LINGO2: variants seen among roughly 807,000 people sequenced by gnomAD.
The protein encoded by LINGO2 is leucine-rich repeat and immunoglobulin-like domain-containing nogo receptor-interacting protein 2.
A neutral mutation model predicts 30.6 loss-of-function variants in LINGO2; 14 were observed. That is an observed-to-expected ratio of 0.46 (90% CI 0.30 to 0.72). The LOEUF is 0.72. LINGO2 is among the 30% of genes least tolerant of loss of function. The pLI is 0.07. For synonymous variants in LINGO2, 317 were observed against 288.5 expected (o/e 1.10, Z -1.00); for missense variants, 729 against 751.7 (o/e 0.97, Z 0.35).
At chr9:28,771,574 C>T in the LINGO2 span, among the ~76,000 whole-genome samples, 1 of 147,494 alleles carries the variant, frequency 6.8e-6, no homozygotes, top group Admixed American at 6.8e-5. Flanking sequence ...AGTCAGAGTC[C>T]CAGTAAAACC....
At chr9:27,949,476 G>A (rs768911785) in exon 6 of LINGO2, 30 of 1,614,016 alleles carry the variant, frequency 1.9e-5, no homozygotes, top group Non-Finnish European at 1.4e-5. Flanking sequence ...AGAAAGGGCA[G>A]TGCTATGGAA....
At chr9:28,735,771 TA>T in the LINGO2 span, among the ~76,000 whole-genome samples, 7,807 of 147,570 alleles carry the variant, frequency 0.053, 395 homozygotes, top group Admixed American at 0.18. Flanking sequence ...TCTCATTACT[TA>T]AAAAAAAAAA....
intron 5 of LINGO2, among the ~76,000 whole-genome samples, chr9:27,957,539 A>G (rs953722692): frequency 2.6e-5 from 4 of 152,056 alleles, no homozygotes; most frequent in Non-Finnish European, 4.4e-5. Flanking sequence ...TGATCTGCCC[A>G]CCTTGGCCTC....
chr9:28,670,634 C>T (rs776196267), upstream of LINGO2, among the ~76,000 whole-genome samples: 10 of 152,210 alleles, frequency 6.6e-5, no homozygotes, highest in Admixed American at 1.3e-4. Flanking sequence ...TTTTTCTAGT[C>T]ATGATGCTAA....
chr9:28,139,267 T>A (rs543210439), intron 4 of LINGO2, among the ~76,000 whole-genome samples: 1 of 152,356 alleles, frequency 6.6e-6, no homozygotes, highest in South Asian at 2.1e-4. Context: ...GGCAAAACCT[T>A]GGCTTCCAAC....
intron 3 of LINGO2, among the ~76,000 whole-genome samples, chr9:28,332,658 T>A (rs1030338140): frequency 5.3e-5 from 8 of 151,770 alleles, no homozygotes; most frequent in African/African-American, 1.9e-4. Flanking sequence ...TGGGCTCTTA[T>A]AAGAATCTGA....
intron 3 of LINGO2, among the ~76,000 whole-genome samples, chr9:28,339,347 T>A (rs1189947419): frequency 2.6e-5 from 4 of 152,154 alleles, no homozygotes; most frequent in African/African-American, 4.8e-5. Flanking sequence ...CTATTTATAG[T>A]AGGTTGTATT....
upstream of LINGO2, among the ~76,000 whole-genome samples, chr9:28,673,278 G>A (rs1829090691): frequency 1.3e-5 from 2 of 152,110 alleles, no homozygotes; most frequent in East Asian, 1.9e-4. Flanking sequence ...CAGATGAGAA[G>A]CCAGGCCCAG....
intron 4 of LINGO2, among the ~76,000 whole-genome samples, chr9:28,284,949 G>GT (rs918648711): frequency 2.0e-5 from 3 of 152,136 alleles, no homozygotes; most frequent in Admixed American, 6.6e-5. Context: ...TGCCACTACT[G>GT]TAAGATGGAA....
intron 2 of LINGO2, among the ~76,000 whole-genome samples, chr9:28,397,372 T>TATATATAC (rs1554716182): frequency 3.9e-5 from 5 of 128,764 alleles, no homozygotes; most frequent in African/African-American, 1.3e-4. Flanking sequence ...TATATATATA[T>TATATATAC]ACATATATAT....
At chr9:28,716,238 A>G in the LINGO2 span, among the ~76,000 whole-genome samples, 2 of 151,958 alleles carry the variant, frequency 1.3e-5, no homozygotes, top group Non-Finnish European at 2.9e-5. Flanking sequence ...TTAAAATTAG[A>G]ACCACTTTCC....
At chr9:28,460,570 A>T (rs1345238641) in intron 2 of LINGO2, among the ~76,000 whole-genome samples, 1 of 152,148 alleles carries the variant, frequency 6.6e-6, no homozygotes, top group African/African-American at 2.4e-5. Flanking sequence ...AAAAGAAATA[A>T]CTTCATGTAA....
chr9:28,370,856 C>T (rs1286275090), intron 3 of LINGO2, among the ~76,000 whole-genome samples: 1 of 152,038 alleles, frequency 6.6e-6, no homozygotes, highest in African/African-American at 2.4e-5. Flanking sequence ...CTCTATAGGC[C>T]TGGATTTTAT....
chr9:28,036,133 A>G (rs966915014), intron 4 of LINGO2, among the ~76,000 whole-genome samples: 1 of 152,194 alleles, frequency 6.6e-6, no homozygotes, highest in Non-Finnish European at 1.5e-5. Flanking sequence ...GGCAGTAATT[A>G]TATTAGAAGC....
the LINGO2 span, among the ~76,000 whole-genome samples, chr9:29,189,760 G>C: frequency 6.6e-6 from 1 of 152,146 alleles, no homozygotes; most frequent in Non-Finnish European, 1.5e-5. Flanking sequence ...CTGCAATCCC[G>C]GCACCTCGGG....
At chr9:28,784,458 C>A in the LINGO2 span, among the ~76,000 whole-genome samples, 1 of 152,112 alleles carries the variant, frequency 6.6e-6, no homozygotes, top group Non-Finnish European at 1.5e-5. Context: ...TTAAACTAGA[C>A]GACCTAATTT....
chr9:28,383,111 T>C (rs559965331), intron 2 of LINGO2, among the ~76,000 whole-genome samples: 1 of 152,040 alleles, frequency 6.6e-6, no homozygotes, highest in Non-Finnish European at 1.5e-5. Context: ...AATTTTTTCA[T>C]GTATAGCTCC....
At chr9:28,526,552 T>G (rs1409305210) in intron 1 of LINGO2, among the ~76,000 whole-genome samples, 1 of 152,216 alleles carries the variant, frequency 6.6e-6, no homozygotes, top group Non-Finnish European at 1.5e-5. Context: ...CTGAAAAACT[T>G]GTACACGAAT....
the LINGO2 span, among the ~76,000 whole-genome samples, chr9:28,776,670 A>T: frequency 2.0e-5 from 3 of 152,168 alleles, no homozygotes; most frequent in African/African-American, 7.2e-5. Flanking sequence ...AAGCACAGAA[A>T]ATACAATGAT....
Sources: allele counts gnomAD v4.1 joint callset (sites outside exome capture counted in the v4.1 genomes callset), GRCh38; gene constraint gnomAD v4.1.1; transcripts MANE v1.5; gene names NCBI Gene and HGNC (gene_info 2026-07-23, HGNC 2026-07-21).